The following NCALD variants were observed in gnomAD, a reference collection of about 807,000 sequenced individuals.
NCALD encodes the protein neurocalcin-delta.
A neutral mutation model predicts 18.6 loss-of-function variants in NCALD; 10 were observed. That is an observed-to-expected ratio of 0.54 (90% CI 0.33 to 0.91). NCALD has a LOEUF of 0.91. NCALD is among the 40% of genes least tolerant of loss of function. NCALD has a pLI of 0.03. For synonymous variants in NCALD, 88 were observed against 87.4 expected (o/e 1.01, Z -0.04); for missense variants, 184 against 247.6 (o/e 0.74, Z 1.72).
chr8:101,755,568 CT>C (rs1441612755), intron 1 of NCALD, among the ~76,000 whole-genome samples: 2 of 152,152 alleles, frequency 1.3e-5, no homozygotes, highest in African/African-American at 4.8e-5. Flanking sequence ...AAAATATCTT[CT>C]TTTTTCTATT....
At chr8:102,085,312 CTTAT>C (rs1824700371) in intron 1 of NCALD, among the ~76,000 whole-genome samples, 1 of 152,216 alleles carries the variant, frequency 6.6e-6, no homozygotes. Context: ...TGCCAAACGT[CTTAT>C]TTGTCCCACA....
In NCALD at chr8:101,968,522, G is replaced by C. The variant is rs114665777; in HGVS notation, c.-157+51715C>G. Among the ~76,000 whole-genome samples, 1,441 of 152,232 alleles carry C rather than the reference G, an allele frequency of 9.5e-3. 18 individuals carry two copies. The highest frequency in any genetic ancestry group is 0.027 in the African/African-American group (1,140 of 41,528). ...GTGTTTGACACCAAGGTACTGCCTA[G>C]AGTGCTCTGCTGTCACACCTGAGTC... On this transcript the variant is annotated intron_variant, in intron 2 of 6. Transcript: ENST00000311028.
intron 4 of NCALD, among the ~76,000 whole-genome samples, chr8:101,848,536 T>G (rs933395381): frequency 2.0e-5 from 3 of 152,134 alleles, no homozygotes; most frequent in Non-Finnish European, 4.4e-5. Flanking sequence ...GAAATTATAT[T>G]TACAAAAGAA....
At chr8:101,963,439 A>G (rs1026322286) in intron 2 of NCALD, among the ~76,000 whole-genome samples, 19 of 152,050 alleles carry the variant, frequency 1.2e-4, no homozygotes, top group African/African-American at 3.4e-4. Context: ...CCTGCAACCT[A>G]TCAACTCCTG....
rs1239661576 is a variant in NCALD at position 101,813,462 on chromosome 8, G to A, written c.-20+73679C>T. Among the ~76,000 whole-genome samples, 3 of 152,250 alleles carry A rather than the reference G, an allele frequency of 2.0e-5. No individual in the cohort carries two copies. In the East Asian group the frequency reaches 5.8e-4, roughly 29 times the overall value. ...AAGCCAGTGTATCAAGGAGGTAACT[G>A]AGTTACTTGCTCAAGGATACACAGC... On this transcript the variant is annotated intron_variant, in intron 4 of 6. Transcript: ENST00000311028.
chr8:101,878,339 A>G (rs1036554465), intron 4 of NCALD, among the ~76,000 whole-genome samples: 2 of 152,252 alleles, frequency 1.3e-5, no homozygotes, highest in African/African-American at 4.8e-5. Context: ...ACATTGGTAG[A>G]TGCTAAACTA....
intron 2 of NCALD, among the ~76,000 whole-genome samples, chr8:101,978,353 T>C (rs984842165): frequency 1.3e-5 from 2 of 152,168 alleles, no homozygotes; most frequent in African/African-American, 2.4e-5. Flanking sequence ...ATTATCACCA[T>C]CCTCACTCTC....
chr8:101,955,531 G>C (rs1024655552), intron 2 of NCALD, among the ~76,000 whole-genome samples: 1 of 152,174 alleles, frequency 6.6e-6, no homozygotes, highest in East Asian at 1.9e-4. Flanking sequence ...AAAACAGGCA[G>C]TAAGTTAAGG....
intron 2 of NCALD, among the ~76,000 whole-genome samples, chr8:101,963,123 TA>T (rs1176563222): frequency 1.3e-5 from 2 of 152,118 alleles, no homozygotes; most frequent in Non-Finnish European, 2.9e-5. Flanking sequence ...TTGGCTTTTA[TA>T]AACTCTTATG....
intron 1 of NCALD, among the ~76,000 whole-genome samples, chr8:101,752,173 A>G (rs1810686926): frequency 6.6e-6 from 1 of 152,178 alleles, no homozygotes; most frequent in Non-Finnish European, 1.5e-5. Context: ...TAAAATATAT[A>G]TAATTCATCC....
intron 1 of NCALD, among the ~76,000 whole-genome samples, chr8:102,110,600 T>C (rs1825612425): frequency 6.6e-6 from 1 of 152,202 alleles, no homozygotes; most frequent in African/African-American, 2.4e-5. Flanking sequence ...GAAGTGATGA[T>C]GGTCAATGCA....
intron 2 of NCALD, among the ~76,000 whole-genome samples, chr8:101,980,227 T>C (rs1335842138): frequency 1.3e-5 from 2 of 152,184 alleles, no homozygotes; most frequent in Non-Finnish European, 2.9e-5. Context: ...ATCTTCTCCC[T>C]GCCCACTCAA....
chr8:101,948,996 CTTG>C, intron 2 of NCALD, among the ~76,000 whole-genome samples: 1 of 152,290 alleles, frequency 6.6e-6, no homozygotes. Flanking sequence ...TCAGGTGCTT[CTTG>C]TTAAGTGTAC....
At chr8:101,701,504 G>C (rs1343775443) in intron 2 of NCALD, among the ~76,000 whole-genome samples, 3 of 152,160 alleles carry the variant, frequency 2.0e-5, no homozygotes, top group Non-Finnish European at 4.4e-5. Flanking sequence ...CAGCTCCCCA[G>C]TGTGACCAGA....
chr8:102,036,529 C>A (rs1822871107), intron 1 of NCALD, among the ~76,000 whole-genome samples: 1 of 152,022 alleles, frequency 6.6e-6, no homozygotes, highest in Admixed American at 6.6e-5. Context: ...AATCCCAGCA[C>A]TTTGGGAGGC....
intron 2 of NCALD, among the ~76,000 whole-genome samples, chr8:101,916,625 C>T (rs1033227971): frequency 2.6e-5 from 4 of 152,018 alleles, no homozygotes; most frequent in African/African-American, 9.7e-5. Flanking sequence ...CTTCAAGAGA[C>T]CCATAGGCTC....
intron 2 of NCALD, chr8:101,694,102 A>G (rs1814874063): frequency 6.6e-6 from 1 of 152,138 alleles, no homozygotes; most frequent in Admixed American, 6.5e-5. Flanking sequence ...ATGAAAAGTC[A>G]TTGTTTTTAT....
At chr8:101,734,978 G>T (rs1817009480) in intron 1 of NCALD, among the ~76,000 whole-genome samples, 1 of 152,138 alleles carries the variant, frequency 6.6e-6, no homozygotes, top group Non-Finnish European at 1.5e-5. Context: ...AACAACTGTT[G>T]CAGATTAGAA....
At chr8:102,036,556 C>T (rs1822872511) in intron 1 of NCALD, among the ~76,000 whole-genome samples, 4 of 151,928 alleles carry the variant, frequency 2.6e-5, no homozygotes, top group Non-Finnish European at 5.9e-5. Context: ...GGGAGGATCA[C>T]CTGAGGTCAG....
Sources: allele counts gnomAD v4.1 joint callset (sites outside exome capture counted in the v4.1 genomes callset), GRCh38; gene constraint gnomAD v4.1.1; transcripts MANE v1.5; gene names NCBI Gene and HGNC (gene_info 2026-07-23, HGNC 2026-07-21).